SLC44A3: variants seen among roughly 807,000 people sequenced by gnomAD.
The protein encoded by SLC44A3 is choline transporter-like protein 3.
In SLC44A3, 74 loss-of-function variants were observed where a neutral mutation model predicts 75.4. The observed-to-expected ratio is 0.98, with a 90% CI of 0.81 to 1.19. SLC44A3 has a LOEUF of 1.19. SLC44A3 is among the 50% of genes most tolerant of loss of function. The pLI is 0.00. For missense variants in SLC44A3, 700 were observed against 778.6 expected (o/e 0.90, Z 1.20); for synonymous variants, 310 against 296.9 (o/e 1.04, Z -0.45).
At chr1:94,856,452 TAA>T in intron 9 of SLC44A3, among the ~76,000 whole-genome samples, 1 of 152,338 alleles carries the variant, frequency 6.6e-6, no homozygotes, top group Admixed American at 6.5e-5. Flanking sequence ...TTAAATGTGC[TAA>T]GAGAGTTTGC....
intron 12 of SLC44A3, among the ~76,000 whole-genome samples, chr1:94,885,394 T>C (rs1255880352): frequency 1.3e-5 from 2 of 152,046 alleles, no homozygotes; most frequent in Non-Finnish European, 2.9e-5. Flanking sequence ...TGGAAGTCTT[T>C]TCCAAGCAGC....
rs1173825163 is a variant in SLC44A3 at position 94,894,787 on chromosome 1, T to C, written c.1858-31T>C. On this transcript the variant is annotated intron_variant, in intron 14 of 14. Transcript: ENST00000271227. ...CGTTATCAACAGTACAGACACATAA[T>C]ACTATTCTAACTTGTTCTTTTGTTT... is the stretch of plus-strand genomic sequence containing the variant. The C allele has an allele frequency of 1.9e-6, 3 of 1,569,254 alleles. No homozygotes were observed. The Admixed American group carries it at 5.1e-5, about 27-fold the overall frequency.
At chr1:94,836,389 T>C (rs1480877659) in intron 5 of SLC44A3, among the ~76,000 whole-genome samples, 1 of 152,210 alleles carries the variant, frequency 6.6e-6, no homozygotes, top group East Asian at 1.9e-4. Context: ...AAGGCAGTTA[T>C]CAACTGCAGC....
chr1:94,843,288 C>T (rs934425135), intron 8 of SLC44A3: 1 of 152,268 alleles, frequency 6.6e-6, no homozygotes, highest in Non-Finnish European at 1.5e-5. Context: ...GAGTTCTGCA[C>T]AGGGGCTACT....
At chr1:94,888,886 C>A (rs1003009185) in intron 12 of SLC44A3, among the ~76,000 whole-genome samples, 2 of 132,064 alleles carry the variant, frequency 1.5e-5, no homozygotes, top group Non-Finnish European at 3.2e-5. Context: ...TGTGCCACCA[C>A]GACTGGCTAT....
At chr1:94,837,995 A>G (rs1182218233) in intron 6 of SLC44A3, 124 bp downstream of exon 6, 1 of 949,054 alleles carries the variant, frequency 1.1e-6, no homozygotes, top group Non-Finnish European at 1.5e-6. Flanking sequence ...TTTTTAATAG[A>G]TATTTTCAGT....
chr1:94,893,769 C>A (rs1183395646), intron 14 of SLC44A3, among the ~76,000 whole-genome samples: 1 of 152,132 alleles, frequency 6.6e-6, no homozygotes, highest in Non-Finnish European at 1.5e-5. Context: ...CTAGCCAGGT[C>A]TCCATCCCCT....
intron 12 of SLC44A3, among the ~76,000 whole-genome samples, chr1:94,885,025 C>T (rs1363517686): frequency 1.3e-5 from 2 of 151,986 alleles, no homozygotes; most frequent in Admixed American, 1.3e-4. Flanking sequence ...GCAGGCAGAT[C>T]ACATGAGGTC....
chr1:94,869,975 G>C (rs1323314079), intron 12 of SLC44A3, among the ~76,000 whole-genome samples: 1 of 152,218 alleles, frequency 6.6e-6, no homozygotes, highest in African/African-American at 2.4e-5. Flanking sequence ...TAACATCAAG[G>C]AGATGGTTGT....
At chr1:94,832,543 A>G (rs1205566037) in intron 5 of SLC44A3, among the ~76,000 whole-genome samples, 1 of 152,216 alleles carries the variant, frequency 6.6e-6, no homozygotes, top group African/African-American at 2.4e-5. Context: ...TGTCTCTTTA[A>G]ATTTATTCAG....
At chr1:94,860,536 A>T (rs1435790956) in intron 10 of SLC44A3, among the ~76,000 whole-genome samples, 1 of 152,214 alleles carries the variant, frequency 6.6e-6, no homozygotes, top group Non-Finnish European at 1.5e-5. Context: ...TCCCGAGGGA[A>T]AAAAGATCAC....
intron 12 of SLC44A3, among the ~76,000 whole-genome samples, chr1:94,874,715 A>T (rs1165443958): frequency 6.6e-6 from 1 of 152,180 alleles, no homozygotes; most frequent in Non-Finnish European, 1.5e-5. Flanking sequence ...GTGCTACTTT[A>T]TGTGTATCAA....
At chr1:94,881,733 G>A (rs1669015610) in intron 12 of SLC44A3, among the ~76,000 whole-genome samples, 1 of 150,720 alleles carries the variant, frequency 6.6e-6, no homozygotes, top group African/African-American at 2.4e-5. Context: ...TATTCTGCCG[G>A]GCACGTTGGC....
intron 3 of SLC44A3, among the ~76,000 whole-genome samples, chr1:94,826,173 T>C (rs186643992): frequency 9.9e-5 from 15 of 152,218 alleles, no homozygotes; most frequent in Middle Eastern, 3.4e-3. Flanking sequence ...ACATGAGATA[T>C]GTAAAGTAGT....
intron 11 of SLC44A3, 152 bp downstream of exon 11, chr1:94,865,051 C>T: frequency 1.6e-6 from 1 of 629,650 alleles, no homozygotes; most frequent in Non-Finnish European, 2.5e-6. Flanking sequence ...CCATCCCCCG[C>T]CTCTCCCAGC....
chr1:94,849,384 G>A (rs1571275295), intron 9 of SLC44A3, among the ~76,000 whole-genome samples: 1 of 152,248 alleles, frequency 6.6e-6, no homozygotes. Flanking sequence ...AGGCATCATA[G>A]AAACCAAATC....
In SLC44A3 at chr1:94,894,899, G is replaced by C. The variant is rs772787067; in HGVS notation, c.1939G>C (p.Glu647Gln). Residue 647 changes from glutamate (E) to glutamine (Q), a missense_variant, in exon 15 of 15, where the codon GAA becomes CAA. Physicochemically the swap from Glu to Gln is conservative, Grantham distance 29 (BLOSUM62 2). Coordinates refer to ENST00000271227, the MANE Select transcript of SLC44A3 (RefSeq NM_001114106.3). ...CTCATTAAGGAATGAGGAGGGAACA[G>C]AACTCCAGGCCATTGTGAGATAGAT... Reference protein sequence around the residue: ...KHSLRNEEGTELQAIVR With the variant: ...KHSLRNEEGTQLQAIVR The C allele has an allele frequency of 6.2e-7, 1 of 1,611,566 alleles. No individual in the cohort carries two copies. The highest frequency in any genetic ancestry group is 1.7e-5 in the Admixed American group (1 of 59,996).
At chr1:94,889,880 C>CAAA (rs1299701803) in intron 12 of SLC44A3, among the ~76,000 whole-genome samples, 2 of 150,642 alleles carry the variant, frequency 1.3e-5, no homozygotes, top group Non-Finnish European at 3.0e-5. Flanking sequence ...GATGGAGTTT[C>CAAA]GCTCTTGTTG....
chr1:94,867,304 T>C, intron 11 of SLC44A3, 27 bp from the exon 12 acceptor site: 2 of 1,524,640 alleles, frequency 1.3e-6, no homozygotes, highest in Non-Finnish European at 1.8e-6. Flanking sequence ...TTTTTGACTC[T>C]GTTCCTTTGT....
Sources: gnomAD v4.1 joint callset for allele counts (sites outside exome capture counted in the v4.1 genomes callset) on GRCh38, gnomAD v4.1.1 for gene constraint, MANE v1.5 for transcripts, NCBI Gene and HGNC (gene_info 2026-07-23, HGNC 2026-07-21) for gene names.